The following DRAM2 variants were observed in gnomAD, a reference collection of about 807,000 sequenced individuals.
The protein encoded by DRAM2 is DNA damage regulated autophagy modulator 2.
In DRAM2, 26 loss-of-function variants were observed where a neutral mutation model predicts 33.5. The ratio of observed to expected loss-of-function variants is 0.78; its 90% CI spans 0.57 to 1.08. The LOEUF (loss-of-function observed/expected upper bound fraction) is 1.08. Ranked by LOEUF, DRAM2 falls within the 50% of genes least tolerant of loss-of-function variation. The pLI is 0.00. For synonymous variants in DRAM2, 98 were observed against 109.5 expected (o/e 0.89, Z 0.66); for missense variants, 311 against 318.1 (o/e 0.98, Z 0.17).
At chr1:111,119,809 AC>A (rs1388834005) in intron 8 of DRAM2, 67 bp downstream of exon 8, 1 of 1,265,892 alleles carries the variant, frequency 7.9e-7, no homozygotes, top group African/African-American at 1.5e-5. Context: ...GAAATGAAAA[AC>A]ATATCAAGAT....
chr1:111,130,397 G>A (rs1338968370), intron 4 of DRAM2, among the ~76,000 whole-genome samples: 1 of 152,164 alleles, frequency 6.6e-6, no homozygotes, highest in Non-Finnish European at 1.5e-5. Flanking sequence ...AGGACATGAA[G>A]AATGCTTAGT....
chr1:111,124,889 A>G lies in DRAM2; in HGVS notation c.200-8T>C. 6.2e-7 allele frequency: 1 copy of G among 1,609,002 alleles called. No homozygotes were observed. Among genetic ancestry groups the G allele is most frequent in the Non-Finnish European group, 8.5e-7 (1 of 1,178,390 alleles). ...CATAAATGGTAGCAATGCCTGGGAAAAGATAATCCAAAAAACAACAAAGTA... is the reference window on the plus strand; with the variant it reads ...CATAAATGGTAGCAATGCCTGGGAAGAGATAATCCAAAAAACAACAAAGTA... On this transcript the variant is annotated splice_region_variant and splice_polypyrimidine_tract_variant and intron_variant, in intron 5 of 9. Coordinates refer to ENST00000484310, the MANE Select transcript of DRAM2 (RefSeq NM_001349884.2).
In DRAM2 at chr1:111,118,213, C is replaced by T. The variant is rs1408594078; in HGVS notation, c.748G>A (p.Ala250Thr). The change falls in exon 10 of 10, where the codon GCA (alanine) becomes ACA (threonine). Residue 250 changes from alanine (A) to threonine (T), a missense_variant. Transcript: ENST00000484310. ...CGTTCATTGTTAATAGGGCAAGGTG[C>T]AGTGTCATAGAGGGTTAATCCATGT... is the stretch of plus-strand genomic sequence containing the variant. ...NLHGLTLYDT[A>T]PCPINNERTR... The T allele has an allele frequency of 6.2e-7, 1 of 1,613,100 alleles. No homozygotes were observed. The highest frequency in any genetic ancestry group is 2.2e-5 in the East Asian group (1 of 44,826).
chr1:111,122,221 G>C (rs535678599), intron 6 of DRAM2, among the ~76,000 whole-genome samples: 1 of 152,262 alleles, frequency 6.6e-6, no homozygotes, highest in East Asian at 1.9e-4. Context: ...GATGCAAAAT[G>C]AGATGTATAT....
Position 111,137,166 on chromosome 1 carries a change from T to A in DRAM2, c.-15+357A>T, listed in dbSNP as rs976304701. Among the ~76,000 whole-genome samples, 3 of 142,352 alleles carry A rather than the reference T, an allele frequency of 2.1e-5. No individual in the cohort carries two copies. In the Admixed American group the frequency reaches 2.3e-4, roughly 11 times the overall value. The allele number at this position is 142,352 out of a possible 152,430, so 93.4% of individuals were successfully genotyped here. ...TACTCGGGACGCTGAGGCAGGAGAA[T>A]GGTGTGAACCCCGGGGGGCGGAGCC... On this transcript the variant is annotated intron_variant, in intron 3 of 9. Coordinates refer to ENST00000484310, the MANE Select transcript of DRAM2 (RefSeq NM_001349884.2).
At chr1:111,120,489 G>T (rs779666984) in intron 7 of DRAM2, 27 bp downstream of exon 7, 2 of 1,369,100 alleles carry the variant, frequency 1.5e-6, no homozygotes, top group Non-Finnish European at 1.9e-6. Context: ...CTTTCCAAGT[G>T]TAGCCACATT....
chr1:111,126,652 T>C (rs961922990), intron 4 of DRAM2, among the ~76,000 whole-genome samples: 1 of 74,776 alleles, frequency 1.3e-5, no homozygotes, highest in African/African-American at 7.8e-5. Flanking sequence ...CACAGGCTTT[T>C]CACAACTGCC....
chr1:111,126,662 C>T (rs111350635), intron 4 of DRAM2, among the ~76,000 whole-genome samples: 1 of 147,022 alleles, frequency 6.8e-6, no homozygotes, highest in African/African-American at 2.5e-5. Context: ...TCACAACTGC[C>T]TTTTTGCACC....
intron 3 of DRAM2, among the ~76,000 whole-genome samples, chr1:111,133,632 G>A (rs1482893207): frequency 6.6e-6 from 1 of 152,166 alleles, no homozygotes; most frequent in Non-Finnish European, 1.5e-5. Flanking sequence ...ATGAAATAAT[G>A]TACTTTCCTC....
At position 111,118,006 on chromosome 1, in the gene DRAM2, GCTT is replaced by G. The variant is rs1649252931; in HGVS notation, c.*151_*153del. 1.5e-6 allele frequency: 1 copy of G among 668,004 alleles called. No homozygotes were observed. Among genetic ancestry groups the G allele is most frequent in the South Asian group, 1.8e-5 (1 of 54,592 alleles). The allele number at this position is 668,004 out of a possible 1,614,324, so 41.4% of individuals were successfully genotyped here. A position where few individuals can be genotyped will look rare whatever the true frequency, so the allele number is the denominator to read the frequency against. On this transcript the variant is annotated 3_prime_UTR_variant, in exon 10 of 10. Coordinates refer to ENST00000484310, the MANE Select transcript of DRAM2 (RefSeq NM_001349884.2). ...ATCCTTTAGAATAATCTATCAAATG[GCTT>G]CTTTCATGTTTCCTGATTATCAGCA...
intron 4 of DRAM2, among the ~76,000 whole-genome samples, chr1:111,130,521 T>TG (rs1268019321): frequency 1.3e-5 from 2 of 151,898 alleles, no homozygotes; most frequent in South Asian, 2.1e-4. Flanking sequence ...CTCACCAACA[T>TG]GGTGAAACCC....
At chr1:111,130,261 T>C (rs943216360) in intron 4 of DRAM2, among the ~76,000 whole-genome samples, 1 of 152,198 alleles carries the variant, frequency 6.6e-6, no homozygotes, top group African/African-American at 2.4e-5. Flanking sequence ...GTTTAATTCT[T>C]GGTTCCAACA....
chr1:111,125,626 T>C (rs1485328367), intron 5 of DRAM2: 1 of 152,282 alleles, frequency 6.6e-6, no homozygotes, highest in East Asian at 1.9e-4. Context: ...TAAGTTGAAT[T>C]ATCTTCCTGA....
Position 111,118,062 on chromosome 1 carries a change from T to G in DRAM2, c.*98A>C. 1 of 1,083,220 alleles carries G rather than the reference T, an allele frequency of 9.2e-7. No homozygotes were observed. The highest frequency in any genetic ancestry group is 1.4e-6 in the Non-Finnish European group (1 of 707,014). The allele number at this position is 1,083,220 out of a possible 1,614,324, so 67.1% of individuals were successfully genotyped here. On this transcript the variant is annotated 3_prime_UTR_variant, in exon 10 of 10. Coordinates refer to ENST00000484310, the MANE Select transcript of DRAM2 (RefSeq NM_001349884.2). Reference sequence around the variant, plus strand: ...CATCAGTGTTACTGTCAGCCTTGATTAAGTGGTTGAAAATTTCAGAGAAGA... The same window carrying G: ...CATCAGTGTTACTGTCAGCCTTGATGAAGTGGTTGAAAATTTCAGAGAAGA...
intron 6 of DRAM2, among the ~76,000 whole-genome samples, chr1:111,122,071 G>C (rs1264586653): frequency 1.3e-5 from 2 of 152,048 alleles, no homozygotes; most frequent in African/African-American, 4.8e-5. Context: ...AGGCTTGAAA[G>C]GTAGACATCA....
intron 4 of DRAM2, among the ~76,000 whole-genome samples, chr1:111,130,922 G>A (rs965825189): frequency 6.0e-5 from 9 of 151,010 alleles, no homozygotes; most frequent in Non-Finnish European, 1.3e-4. Context: ...CAGAAGAATC[G>A]CTTGAACTCG....
At chr1:111,121,196 C>T (rs1649987437) in intron 6 of DRAM2, among the ~76,000 whole-genome samples, 1 of 151,972 alleles carries the variant, frequency 6.6e-6, no homozygotes, top group Non-Finnish European at 1.5e-5. Flanking sequence ...TAGGGAGTTT[C>T]CATTTAAATT....
At chr1:111,120,042 C>A in intron 7 of DRAM2, 83 bp from the exon 8 acceptor site, 1 of 1,192,492 alleles carries the variant, frequency 8.4e-7, no homozygotes, top group Non-Finnish European at 1.2e-6. Context: ...GGATTACTCA[C>A]ACATTTATTG....
chr1:111,135,279 T>C (rs570750542), intron 3 of DRAM2, among the ~76,000 whole-genome samples: 22 of 152,330 alleles, frequency 1.4e-4, no homozygotes, highest in Admixed American at 7.2e-4. Context: ...CCCATTGACA[T>C]TGAAGCATGT....
Sources: gnomAD v4.1 joint callset for allele counts (sites outside exome capture counted in the v4.1 genomes callset) on GRCh38, gnomAD v4.1.1 for gene constraint, MANE v1.5 for transcripts, NCBI Gene and HGNC (gene_info 2026-07-23, HGNC 2026-07-21) for gene names.